ETFA: variants seen among roughly 807,000 people sequenced by gnomAD.
The protein encoded by ETFA is electron transfer flavoprotein subunit alpha, mitochondrial.
A neutral mutation model predicts 46.2 loss-of-function variants in ETFA; 22 were observed. That is an observed-to-expected ratio of 0.48 (90% confidence interval 0.34 to 0.68). The LOEUF is 0.68. Ranked by LOEUF, ETFA falls within the 30% of genes least tolerant of loss-of-function variation. The probability of loss-of-function intolerance (pLI) is 0.01; values close to 1 mark genes in which losing one functional copy is unlikely to be tolerated. For synonymous variants in ETFA, 131 were observed against 139.9 expected (o/e 0.94, Z 0.45); for missense variants, 345 against 401.1 (o/e 0.86, Z 1.19).
chr15:76,238,307 C>T (rs983390216), intron 9 of ETFA, among the ~76,000 whole-genome samples: 1 of 152,162 alleles, frequency 6.6e-6, no homozygotes, highest in African/African-American at 2.4e-5. Context: ...ATTGTTTCCT[C>T]TCTTAAAAAA....
intron 9 of ETFA, among the ~76,000 whole-genome samples, chr15:76,240,293 G>A (rs1244919962): frequency 1.3e-5 from 2 of 152,138 alleles, no homozygotes; most frequent in African/African-American, 4.8e-5. Flanking sequence ...GATGGACTTG[G>A]TTCTTTTTAG....
chr15:76,295,682 G>C lies in ETFA; in HGVS notation c.95C>G (p.Ser32Cys), dbSNP rs774383988. The C allele has an allele frequency of 6.2e-7, 1 of 1,612,506 alleles. No individual in the cohort carries two copies. The highest frequency in any genetic ancestry group is 1.3e-5 in the African/African-American group (1 of 74,620). Residue 32 changes from serine to cysteine, a missense_variant, in exon 2 of 12, where the codon TCC (serine) becomes TGC (cysteine). Coordinates refer to ENST00000557943, the MANE Select transcript of ETFA (RefSeq NM_000126.4). ...GGTATTTAAAGTAATGGGTGCTAGG[G>C]AATCATTTGCATGCTCAGCTATTAC... ...TLVIAEHAND[S>C]LAPITLNTIT...
chr15:76,278,073 T>C (rs896063818), intron 8 of ETFA, among the ~76,000 whole-genome samples: 12 of 152,174 alleles, frequency 7.9e-5, no homozygotes, highest in Non-Finnish European at 1.6e-4. Context: ...ACTTCCAAGC[T>C]TCTTATATGC....
intron 7 of ETFA, 37 bp from the exon 8 acceptor site, chr15:76,283,862 C>A (rs765570215): frequency 2.8e-6 from 4 of 1,417,168 alleles, no homozygotes; most frequent in Non-Finnish European, 3.0e-6. Flanking sequence ...ATTAGGCAAA[C>A]ATCAAATACA....
intron 1 of ETFA, among the ~76,000 whole-genome samples, chr15:76,303,256 C>T (rs1388649645): frequency 1.3e-5 from 2 of 152,042 alleles, no homozygotes; most frequent in Non-Finnish European, 2.9e-5. Context: ...TGCAGTGAGC[C>T]AAGATTGCAC....
intron 9 of ETFA, among the ~76,000 whole-genome samples, chr15:76,262,463 A>G (rs1161745899): frequency 6.7e-6 from 1 of 149,436 alleles, no homozygotes; most frequent in Non-Finnish European, 1.5e-5. Context: ...GGTATACCAT[A>G]ATCAAACCCC....
chr15:76,289,105 G>T (rs886957642), intron 4 of ETFA, among the ~76,000 whole-genome samples: 5 of 151,718 alleles, frequency 3.3e-5, no homozygotes, highest in Non-Finnish European at 7.4e-5. Context: ...TTTATGTTTT[G>T]TTTTTTTCTG....
intron 9 of ETFA, chr15:76,261,724 C>T: frequency 4.0e-6 from 1 of 251,918 alleles, no homozygotes; most frequent in East Asian, 9.2e-5. Context: ...AGGCCCGGCC[C>T]ACGAGTGAGG....
Position 76,286,368 on chromosome 15 carries a change from C to A in ETFA, c.562+3G>T. On this transcript the variant is annotated splice_donor_region_variant and intron_variant, in intron 6 of 11. Coordinates refer to ENST00000557943, the MANE Select transcript of ETFA (RefSeq NM_000126.4). ...AACAAAAAAACTCCAAATGAACACT[C>A]ACCCTTTTCTGAACTGGCACTACCG... 6.3e-7 allele frequency: 1 copy of A among 1,581,060 alleles called. No individual in the cohort carries two copies. The highest frequency in any genetic ancestry group is 8.7e-7 in the Non-Finnish European group (1 of 1,150,312).
chr15:76,293,761 A>G (rs1244465458), intron 2 of ETFA, among the ~76,000 whole-genome samples: 2 of 152,264 alleles, frequency 1.3e-5, no homozygotes, highest in Non-Finnish European at 2.9e-5. Flanking sequence ...AACAATATTC[A>G]CTGAAGAAAG....
rs1469280305 is a variant in ETFA, at chr15:76,271,791, A to T, written c.816+2621T>A. On this transcript the variant is annotated intron_variant, in intron 9 of 11. Transcript: ENST00000557943. ...TATAGGTTTTTTGTTCTCTACTTGT[A>T]AGTTTTCTGTAAATTTGAGATATAG... Among the ~76,000 whole-genome samples, 50 of 152,184 alleles carry T rather than the reference A, an allele frequency of 3.3e-4. 1 individual carries two copies. The highest frequency in any genetic ancestry group is 3.3e-3 in the Admixed American group (50 of 15,282).
chr15:76,303,562 T>G (rs769501088), intron 1 of ETFA, among the ~76,000 whole-genome samples: 8 of 151,986 alleles, frequency 5.3e-5, no homozygotes, highest in Non-Finnish European at 1.0e-4. Flanking sequence ...ATCTGCAAAC[T>G]ATGCATCTGA....
chr15:76,216,282 G>T lies in ETFA; in HGVS notation c.*277C>A. On this transcript the variant is annotated 3_prime_UTR_variant, in exon 12 of 12. Coordinates refer to ENST00000557943, the MANE Select transcript of ETFA (RefSeq NM_000126.4). The stretch of plus-strand genomic sequence containing the variant: ...TTCTTCAATTTTCTCTAGAGGCTAG[G>T]CATATTTCTGATAGTTTTAAAGCTG... The T allele has an allele frequency of 2.8e-6, 1 of 350,902 alleles. No homozygotes were observed. The highest frequency in any genetic ancestry group is 5.1e-6 in the Non-Finnish European group (1 of 195,242). 21.7% of individuals were successfully genotyped at this position (350,902 alleles called of 1,614,324 possible).
intron 11 of ETFA, chr15:76,217,502 G>A (rs1161828048): frequency 5.3e-6 from 2 of 375,212 alleles, no homozygotes; most frequent in Non-Finnish European, 1.1e-5. Flanking sequence ...TAATGCAGTG[G>A]CCGGTCAGCA....
At chr15:76,268,361 G>T (rs935590115) in intron 9 of ETFA, among the ~76,000 whole-genome samples, 1 of 152,108 alleles carries the variant, frequency 6.6e-6, no homozygotes, top group Non-Finnish European at 1.5e-5. Context: ...CATGGACCGG[G>T]TTCCCCCAGT....
chr15:76,235,790 G>A (rs748511787), intron 9 of ETFA, among the ~76,000 whole-genome samples: 18 of 152,248 alleles, frequency 1.2e-4, no homozygotes, highest in East Asian at 5.8e-4. Context: ...TGGAAAAGCC[G>A]TTAGGAGCAG....
At chr15:76,301,623 T>C (rs1391428558) in intron 1 of ETFA, among the ~76,000 whole-genome samples, 1 of 152,054 alleles carries the variant, frequency 6.6e-6, no homozygotes, top group Non-Finnish European at 1.5e-5. Context: ...GGCACAAGAA[T>C]CACTTGAACC....
rs1182175933 is a variant in ETFA at position 76,236,913 on chromosome 15, C to G, written c.817-5515G>C. ...TGAAAAATATTTCCTCAAAAACTCA[C>G]AGTTCTAAAAAAGATTTTAAAAGTA... On this transcript the variant is annotated intron_variant, in intron 9 of 11. Transcript: ENST00000557943. Among the ~76,000 whole-genome samples, 4 of 152,130 alleles carry G rather than the reference C, an allele frequency of 2.6e-5. No individual in the cohort carries two copies. The East Asian group carries it at 7.7e-4, about 29-fold the overall frequency.
intron 9 of ETFA, among the ~76,000 whole-genome samples, chr15:76,244,942 A>G (rs1309804153): frequency 6.6e-6 from 1 of 152,224 alleles, no homozygotes; most frequent in Non-Finnish European, 1.5e-5. Context: ...ATAATGGATA[A>G]AGAACTTCAC....
Sources: allele counts gnomAD v4.1 joint callset (sites outside exome capture counted in the v4.1 genomes callset), GRCh38; gene constraint gnomAD v4.1.1; transcripts MANE v1.5; gene names NCBI Gene and HGNC (gene_info 2026-07-23, HGNC 2026-07-21).